ANKDD1B: variants seen among roughly 807,000 people sequenced by gnomAD.
ANKDD1B encodes ankyrin repeat and death domain containing 1B, also known as ankyrin repeat and death domain-containing protein 1B.
A neutral mutation model predicts 59.7 loss-of-function variants in ANKDD1B; 57 were observed. That is an observed-to-expected ratio of 0.95 (90% confidence interval 0.77 to 1.19). The LOEUF (loss-of-function observed/expected upper bound fraction) is 1.19. Ranked by LOEUF, ANKDD1B falls within the 50% of genes most tolerant of loss-of-function variation. The probability of loss-of-function intolerance (pLI) is 0.00; values close to 1 mark genes in which losing one functional copy is unlikely to be tolerated. For missense variants in ANKDD1B, 602 were observed against 641.9 expected (o/e 0.94, Z 0.67); for synonymous variants, 216 against 239.5 (o/e 0.90, Z 0.91).
At chr5:75,620,937 G>C (rs535142547) in intron 3 of ANKDD1B, among the ~76,000 whole-genome samples, 2 of 152,278 alleles carry the variant, frequency 1.3e-5, no homozygotes, top group South Asian at 2.1e-4. Context: ...CCAAGGCTGT[G>C]GTCTCCCCGC....
intron 6 of ANKDD1B, 174 bp downstream of exon 6, chr5:75,635,170 G>A (rs142245613): frequency 9.5e-5 from 47 of 496,770 alleles, no homozygotes; most frequent in African/African-American, 8.4e-4. Flanking sequence ...TCCTTCCACT[G>A]TTGCTCTGGG....
intron 1 of ANKDD1B, among the ~76,000 whole-genome samples, chr5:75,614,307 T>C (rs554899500): frequency 6.6e-6 from 1 of 152,328 alleles, no homozygotes; most frequent in Admixed American, 6.5e-5. Context: ...AATCCTGCGC[T>C]TAGGGAACCC....
At chr5:75,653,006 C>A in intron 7 of ANKDD1B, 136 bp from the exon 8 acceptor site, 1 of 672,110 alleles carries the variant, frequency 1.5e-6, no homozygotes, top group Non-Finnish European at 2.6e-6. Context: ...CTGTCATTGA[C>A]CAAATCACTG....
intron 7 of ANKDD1B, among the ~76,000 whole-genome samples, chr5:75,639,323 A>G (rs1217694589): frequency 6.6e-6 from 1 of 152,060 alleles, no homozygotes; most frequent in East Asian, 1.9e-4. Flanking sequence ...CAGCCTCCTG[A>G]GTAGCTGGGA....
At chr5:75,634,364 A>G (rs1400268767) in intron 5 of ANKDD1B, among the ~76,000 whole-genome samples, 1 of 152,096 alleles carries the variant, frequency 6.6e-6, no homozygotes. Flanking sequence ...GAGTTTTCCT[A>G]TTGATTCTTA....
intron 5 of ANKDD1B, among the ~76,000 whole-genome samples, chr5:75,632,789 T>C (rs1232212129): frequency 6.6e-6 from 1 of 152,198 alleles, no homozygotes. Context: ...GTTACTACAT[T>C]ACATTATAAT....
At position 75,635,004 on chromosome 5, in the gene ANKDD1B, G is replaced by A. The variant is rs1178232720; in HGVS notation, c.699+8G>A. ...ACTTCAGAAAAGGACAAGGTGAGTT[G>A]GACTTTTATTTCTTTGCTGAGAACA... is the stretch of plus-strand genomic sequence containing the variant. On this transcript the variant is annotated splice_region_variant and intron_variant, in intron 6 of 13. Transcript: ENST00000601380. The A allele has an allele frequency of 1.3e-6, 2 of 1,511,070 alleles. No individual in the cohort carries two copies. Among genetic ancestry groups the A allele is most frequent in the South Asian group, 1.2e-5 (1 of 83,384 alleles). The allele number at this position is 1,511,070 out of a possible 1,614,324, so 93.6% of individuals were successfully genotyped here.
chr5:75,663,531 A>G lies in ANKDD1B; in HGVS notation c.1191+42A>G, dbSNP rs773939447. The G allele has an allele frequency of 3.4e-6, 5 of 1,472,724 alleles. No individual in the cohort carries two copies. In the African/African-American group the frequency reaches 7.0e-5, roughly 21 times the overall value. The allele number at this position is 1,472,724 out of a possible 1,614,324, so 91.2% of individuals were successfully genotyped here. On this transcript the variant is annotated intron_variant, in intron 11 of 13. Transcript: ENST00000601380. ...CCAGCACAGCAGGGGCTTTCCTGGC[A>G]ACACCCATCTTCTTGCAGGGGCAAT...
At chr5:75,666,442 A>G (rs1775307534) in intron 11 of ANKDD1B, among the ~76,000 whole-genome samples, 1 of 152,152 alleles carries the variant, frequency 6.6e-6, no homozygotes, top group South Asian at 2.1e-4. Flanking sequence ...AAATGGGGGT[A>G]TGGGTTCAAA....
At chr5:75,650,275 G>T (rs1774794545) in intron 7 of ANKDD1B, among the ~76,000 whole-genome samples, 1 of 152,184 alleles carries the variant, frequency 6.6e-6, no homozygotes, top group African/African-American at 2.4e-5. Flanking sequence ...TAATCATAAG[G>T]ATCCTTTAAA....
At chr5:75,641,860 G>T (rs1290989987) in intron 7 of ANKDD1B, among the ~76,000 whole-genome samples, 1 of 152,046 alleles carries the variant, frequency 6.6e-6, no homozygotes, top group East Asian at 1.9e-4. Context: ...TAATTTAAAA[G>T]GCAGAAAGCT....
chr5:75,611,779 C>T lies in ANKDD1B; in HGVS notation c.145C>T (p.Arg49Trp), dbSNP rs1399520053. The change falls in exon 1 of 14, where the codon CGG (arginine) becomes TGG (tryptophan). Residue 49 changes from arginine (R) to tryptophan (W), a missense_variant. Transcript: ENST00000601380. ...GAGGAGCCTGTCCCGGATCCCGAAG[C>T]GGGAGGGTCTTGGAGAGGAGGACAC... Reference protein sequence around the residue: ...PWRSLSRIPKREGLGEEDTAV... With the variant: ...PWRSLSRIPKWEGLGEEDTAV... The T allele has an allele frequency of 8.1e-6, 10 of 1,231,982 alleles. No homozygotes were observed. In the East Asian group the frequency reaches 3.2e-4, roughly 39 times the overall value. The allele number at this position is 1,231,982 out of a possible 1,614,324, so 76.3% of individuals were successfully genotyped here. A position where few individuals can be genotyped will look rare whatever the true frequency, so the allele number is the denominator to read the frequency against.
At chr5:75,628,759 T>G (rs1438639824) in intron 5 of ANKDD1B, among the ~76,000 whole-genome samples, 1 of 152,170 alleles carries the variant, frequency 6.6e-6, no homozygotes, top group Non-Finnish European at 1.5e-5. Context: ...CTGGGAAACC[T>G]TCTGAGATTT....
At chr5:75,628,223 G>T (rs1050385906) in intron 5 of ANKDD1B, among the ~76,000 whole-genome samples, 4 of 152,318 alleles carry the variant, frequency 2.6e-5, no homozygotes, top group African/African-American at 9.6e-5. Flanking sequence ...CTAGGAGGAA[G>T]GGAAAGTGGG....
intron 5 of ANKDD1B, among the ~76,000 whole-genome samples, chr5:75,629,739 T>C (rs1774098391): frequency 6.6e-6 from 1 of 151,728 alleles, no homozygotes; most frequent in South Asian, 2.1e-4. Context: ...GTTTGAGAAC[T>C]AGCCTGGGAA....
Position 75,611,753 on chromosome 5 carries a change from G to A in ANKDD1B, c.119G>A (p.Trp40Ter). Residue 40 changes from tryptophan (W) to a stop codon, truncating the protein, a stop_gained, in exon 1 of 14, where the codon TGG becomes TAG. Coordinates refer to ENST00000601380, the MANE Select transcript of ANKDD1B (RefSeq NM_001276713.2). LOFTEE classifies it high-confidence loss of function. ...EDLWGAAALP[W>*]RSLSRIPKRE... The stretch of plus-strand genomic sequence containing the variant: ...CTGTGGGGCGCGGCCGCCCTGCCTT[G>A]GAGGAGCCTGTCCCGGATCCCGAAG... The A allele has an allele frequency of 8.1e-7, 1 of 1,232,034 alleles. No individual in the cohort carries two copies. Among genetic ancestry groups the A allele is most frequent in the Non-Finnish European group, 1.0e-6 (1 of 988,124 alleles). The allele number at this position is 1,232,034 out of a possible 1,614,324, so 76.3% of individuals were successfully genotyped here.
intron 9 of ANKDD1B, among the ~76,000 whole-genome samples, chr5:75,656,969 G>A (rs967457068): frequency 6.6e-6 from 1 of 152,222 alleles, no homozygotes; most frequent in African/African-American, 2.4e-5. Flanking sequence ...TTTGCTCTGA[G>A]CTGAATGAAG....
Position 75,611,794 on chromosome 5 carries a change from G to A in ANKDD1B, c.160G>A (p.Glu54Lys). 1.6e-6 allele frequency: 2 copies of A among 1,232,156 alleles called. No homozygotes were observed. Among genetic ancestry groups the A allele is most frequent in the Non-Finnish European group, 2.0e-6 (2 of 988,222 alleles). 76.3% of individuals were successfully genotyped at this position (1,232,156 alleles called of 1,614,324 possible). ...GATCCCGAAGCGGGAGGGTCTTGGA[G>A]AGGAGGACACAGCAGTTGCCGGACA... The part of the protein sequence containing the change: ...SRIPKREGLG[E>K]EDTAVAGHEL... The change falls in exon 1 of 14, where the codon GAG becomes AAG. Residue 54 changes from glutamate to lysine, a missense_variant. Around this residue, in one of 3 missense-constraint regions of ANKDD1B, gnomAD observed 317 missense variants for 304.6 expected, o/e 1.04. Transcript: ENST00000601380.
intron 3 of ANKDD1B, among the ~76,000 whole-genome samples, 195 bp from the exon 4 acceptor site, chr5:75,625,452 A>T (rs1185808463): frequency 6.6e-6 from 1 of 152,164 alleles, no homozygotes; most frequent in Non-Finnish European, 1.5e-5. Context: ...CCAGATGGAG[A>T]ACCACTTGCC....
Sources: gnomAD v4.1 joint callset for allele counts (sites outside exome capture counted in the v4.1 genomes callset) on GRCh38, gnomAD v4.1.1 for gene constraint, gnomAD v4.1.1 regional missense constraint, MANE v1.5 for transcripts, NCBI Gene and HGNC (gene_info 2026-07-23, HGNC 2026-07-21) for gene names.